CCDC178: variants seen among roughly 807,000 people sequenced by gnomAD.
The protein encoded by CCDC178 is coiled-coil domain-containing protein 178.
A neutral mutation model predicts 117.4 loss-of-function variants in CCDC178; 126 were observed. That is an observed-to-expected ratio of 1.07 (90% CI 0.93 to 1.24). CCDC178 has a LOEUF of 1.24. Ranked by LOEUF, CCDC178 falls within the 50% of genes most tolerant of loss-of-function variation. The pLI is 0.00. For missense variants in CCDC178, 1,030 were observed against 986.9 expected, an observed-to-expected ratio of 1.04 and a Z score of -0.59; for synonymous variants, 283 against 313.4, an observed-to-expected ratio of 0.90 and a Z score of 1.02.
intron 21 of CCDC178, among the ~76,000 whole-genome samples, chr18:33,032,365 C>A (rs182646566): frequency 3.6e-4 from 55 of 152,108 alleles, no homozygotes; most frequent in Admixed American, 3.3e-3. Context: ...GGGTCTTACA[C>A]GATATAATTT....
At chr18:33,306,369 A>T (rs754302691) in intron 11 of CCDC178, among the ~76,000 whole-genome samples, 134 of 144,412 alleles carry the variant, frequency 9.3e-4, no homozygotes, top group Non-Finnish European at 1.7e-3. Context: ...AGTTTGTGTT[A>T]TTATCTCATG....
In CCDC178 at chr18:33,329,718, G is replaced by A. The variant is rs534377853; in HGVS notation, c.879+3456C>T. Reference sequence around the variant, plus strand: ...CTAGGATTTTGTTGAGGATTTTTGCGTCTATATTCATAAGGTATACTGGTC... The same window carrying A: ...CTAGGATTTTGTTGAGGATTTTTGCATCTATATTCATAAGGTATACTGGTC... On this transcript the variant is annotated intron_variant, in intron 10 of 22. Transcript: ENST00000383096. Among the ~76,000 whole-genome samples the A allele has an allele frequency of 1.1e-4, 17 of 152,056 alleles. No individual in the cohort carries two copies. In the East Asian group the frequency reaches 1.5e-3, roughly 14 times the overall value.
chr18:33,298,558 T>A (rs186528081), intron 11 of CCDC178, among the ~76,000 whole-genome samples: 1 of 152,192 alleles, frequency 6.6e-6, no homozygotes, highest in Non-Finnish European at 1.5e-5. Context: ...GTTTTTTCTA[T>A]AAGATCTAGA....
chr18:33,079,845 A>G (rs1220342485), intron 21 of CCDC178, among the ~76,000 whole-genome samples: 1 of 152,240 alleles, frequency 6.6e-6, no homozygotes, highest in East Asian at 1.9e-4. Context: ...AGTTAGTTCA[A>G]CTATTGTGGA....
chr18:33,068,610 AATTCAAC>A (rs1750661622), intron 21 of CCDC178, among the ~76,000 whole-genome samples: 1 of 152,202 alleles, frequency 6.6e-6, no homozygotes, highest in Non-Finnish European at 1.5e-5. Flanking sequence ...CATTTGGTAA[AATTCAAC>A]ATTGCTTTAT....
At chr18:33,193,184 A>G (rs542658789) in intron 20 of CCDC178, among the ~76,000 whole-genome samples, 177 of 142,638 alleles carry the variant, frequency 1.2e-3, no homozygotes, top group African/African-American at 4.5e-3. Flanking sequence ...AATGGCGTGA[A>G]CCCGGGAGGT....
At chr18:32,965,981 TTA>T (rs2054805731) in intron 22 of CCDC178, among the ~76,000 whole-genome samples, 1 of 149,520 alleles carries the variant, frequency 6.7e-6, no homozygotes, top group South Asian at 2.1e-4. Flanking sequence ...CAATTTTTAA[TTA>T]TATCTTTTTC....
At chr18:33,427,416 G>T (rs1341755953) in intron 2 of CCDC178, among the ~76,000 whole-genome samples, 1 of 151,984 alleles carries the variant, frequency 6.6e-6, no homozygotes, top group African/African-American at 2.4e-5. Context: ...AATGCAGAAG[G>T]TATTACAAAA....
intron 21 of CCDC178, among the ~76,000 whole-genome samples, chr18:33,070,833 T>A (rs1449740667): frequency 6.6e-6 from 1 of 152,074 alleles, no homozygotes; most frequent in Admixed American, 6.6e-5. Flanking sequence ...CAGGAATCTA[T>A]GTAACATTAA....
chr18:33,213,173 A>G (rs2059126657), intron 19 of CCDC178, among the ~76,000 whole-genome samples: 1 of 152,002 alleles, frequency 6.6e-6, no homozygotes, highest in African/African-American at 2.4e-5. Flanking sequence ...TGTAAGCTCA[A>G]CTAGTTGGTA....
intron 20 of CCDC178, among the ~76,000 whole-genome samples, chr18:33,098,630 T>C (rs1319205506): frequency 1.3e-5 from 2 of 152,076 alleles, no homozygotes; most frequent in Admixed American, 6.6e-5. Context: ...TTCAGTCTCA[T>C]GGATGGAAAG....
chr18:33,302,805 CAGTT>C (rs1322807328), intron 11 of CCDC178, among the ~76,000 whole-genome samples: 1 of 152,070 alleles, frequency 6.6e-6, no homozygotes, highest in Non-Finnish European at 1.5e-5. Context: ...AGCTAAAAAA[CAGTT>C]GATCTCAAAG....
chr18:33,042,389 C>T (rs1232548891), intron 21 of CCDC178, among the ~76,000 whole-genome samples: 2 of 151,756 alleles, frequency 1.3e-5, no homozygotes, highest in Non-Finnish European at 2.9e-5. Context: ...GTAAGTCAGA[C>T]CACAAGAAAC....
intron 18 of CCDC178, among the ~76,000 whole-genome samples, chr18:33,219,892 G>A (rs2059210700): frequency 1.3e-5 from 2 of 151,908 alleles, no homozygotes; most frequent in African/African-American, 4.8e-5. Context: ...TGCACATTGT[G>A]CACATGTACC....
intron 2 of CCDC178, among the ~76,000 whole-genome samples, chr18:33,439,475 C>T (rs2064346103): frequency 2.0e-5 from 3 of 152,114 alleles, no homozygotes; most frequent in South Asian, 4.1e-4. Context: ...TATAATAAAA[C>T]TTTATGACTG....
At chr18:33,423,473 TGTATTA>T (rs1000411877) in intron 2 of CCDC178, among the ~76,000 whole-genome samples, 1 of 152,214 alleles carries the variant, frequency 6.6e-6, no homozygotes, top group African/African-American at 2.4e-5. Flanking sequence ...AGAATTTTAT[TGTATTA>T]GTATATCTAT....
intron 6 of CCDC178, among the ~76,000 whole-genome samples, chr18:33,364,536 G>GA (rs1238861033): frequency 6.6e-6 from 1 of 151,920 alleles, no homozygotes; most frequent in Non-Finnish European, 1.5e-5. Context: ...CAGGAGCTAA[G>GA]AAAAAAAGGA....
At chr18:33,403,787 T>C (rs2063743205) in intron 3 of CCDC178, among the ~76,000 whole-genome samples, 1 of 152,148 alleles carries the variant, frequency 6.6e-6, no homozygotes, top group South Asian at 2.1e-4. Context: ...GATTAACTAT[T>C]GGAGGCTGAG....
chr18:33,094,363 T>A (rs1305888830), intron 20 of CCDC178, among the ~76,000 whole-genome samples: 1 of 152,026 alleles, frequency 6.6e-6, no homozygotes, highest in East Asian at 1.9e-4. Flanking sequence ...AAAAGATAGC[T>A]ATACTAATTT....
Sources: allele counts gnomAD v4.1 joint callset (sites outside exome capture counted in the v4.1 genomes callset), GRCh38; gene constraint gnomAD v4.1.1; transcripts MANE v1.5; gene names NCBI Gene and HGNC (gene_info 2026-07-23, HGNC 2026-07-21).